The following CSPP1 variants were observed in gnomAD, a reference collection of about 807,000 sequenced individuals.
The protein encoded by CSPP1 is centrosome and spindle pole associated protein 1.
Under a neutral mutation model 164.4 loss-of-function variants are expected in CSPP1, and 126 were observed. The observed-to-expected ratio is 0.77, with a 90% CI of 0.66 to 0.89. CSPP1 has a LOEUF of 0.89. Among genes scored for constraint, CSPP1 ranks in the 40% least tolerant of loss-of-function variants. CSPP1 has a pLI of 0.00. For synonymous variants in CSPP1, 472 were observed against 476.7 expected, an observed-to-expected ratio of 0.99 and a Z score of 0.13; for missense variants, 1,395 against 1,449.8, an observed-to-expected ratio of 0.96 and a Z score of 0.61.
At chr8:67,094,620 G>A (rs919423612) in intron 6 of CSPP1, among the ~76,000 whole-genome samples, 1 of 151,974 alleles carries the variant, frequency 6.6e-6, no homozygotes, top group African/African-American at 2.4e-5. Context: ...AAAAATATAT[G>A]GGTGATTAAT....
chr8:67,158,063 GA>G (rs35789204), intron 19 of CSPP1, among the ~76,000 whole-genome samples: 10,737 of 152,234 alleles, frequency 0.071, 443 homozygotes, highest in Middle Eastern at 0.14. Flanking sequence ...AATCACTATA[GA>G]ATAATATAAT....
chr8:67,139,118 A>G (rs1230922732), intron 17 of CSPP1, among the ~76,000 whole-genome samples: 1 of 152,182 alleles, frequency 6.6e-6, no homozygotes, highest in Non-Finnish European at 1.5e-5. Context: ...CGGCATTACC[A>G]GAATCTACAA....
At chr8:67,129,026 T>G (rs893680676) in intron 15 of CSPP1, among the ~76,000 whole-genome samples, 2 of 152,156 alleles carry the variant, frequency 1.3e-5, no homozygotes, top group Non-Finnish European at 2.9e-5. Context: ...AGCCTATTGG[T>G]GTTAGATATA....
chr8:67,096,391 C>G (rs1046824329), intron 7 of CSPP1, among the ~76,000 whole-genome samples: 1 of 151,938 alleles, frequency 6.6e-6, no homozygotes, highest in Non-Finnish European at 1.5e-5. Flanking sequence ...AGGGTGAAAC[C>G]CTGTCTCTAC....
intron 12 of CSPP1, 98 bp from the exon 13 acceptor site, chr8:67,115,816 G>A (rs2129550816): frequency 1.3e-6 from 1 of 769,394 alleles, no homozygotes; most frequent in Non-Finnish European, 2.2e-6. Flanking sequence ...TTCTGTGACT[G>A]TCTTAAGTGC....
chr8:67,093,502 G>T, intron 5 of CSPP1, 41 bp from the exon 6 acceptor site: 4 of 1,298,170 alleles, frequency 3.1e-6, no homozygotes, highest in Admixed American at 1.8e-5. Context: ...TTTTTTTCCT[G>T]AAGTTGAATT....
chr8:67,183,913 C>T (rs1424326514), intron 28 of CSPP1, among the ~76,000 whole-genome samples: 7 of 128,972 alleles, frequency 5.4e-5, no homozygotes, highest in Non-Finnish European at 4.6e-5. Flanking sequence ...AGCGTGATGG[C>T]GTGATCTTGG....
chr8:67,159,822 T>C (rs973965997), intron 21 of CSPP1, among the ~76,000 whole-genome samples: 2 of 137,704 alleles, frequency 1.5e-5, no homozygotes, highest in Non-Finnish European at 3.1e-5. Context: ...ACGCCCGGCC[T>C]TCTCTCTCTT....
intron 14 of CSPP1, 31 bp downstream of exon 14, chr8:67,118,400 C>T (rs1360870883): frequency 3.1e-6 from 5 of 1,609,390 alleles, no homozygotes; most frequent in Non-Finnish European, 4.2e-6. Context: ...GCATTTTCTC[C>T]CCGCTTGGCT....
At chr8:67,185,863 A>G (rs1405083470) in intron 28 of CSPP1, among the ~76,000 whole-genome samples, 2 of 152,362 alleles carry the variant, frequency 1.3e-5, no homozygotes, top group East Asian at 1.9e-4. Context: ...ACTCAAAAGC[A>G]TCATCAACAC....
intron 19 of CSPP1, among the ~76,000 whole-genome samples, chr8:67,156,804 G>A (rs1231059454): frequency 1.3e-5 from 2 of 152,178 alleles, no homozygotes; most frequent in Non-Finnish European, 2.9e-5. Flanking sequence ...ACTTGTGAAT[G>A]TTTGACATTT....
chr8:67,102,955 A>C, intron 7 of CSPP1, 82 bp from the exon 8 acceptor site: 2 of 729,638 alleles, frequency 2.7e-6, no homozygotes, highest in Non-Finnish European at 4.7e-6. Context: ...AATGTTGCCA[A>C]CATCAAATGT....
intron 13 of CSPP1, among the ~76,000 whole-genome samples, chr8:67,117,386 T>C (rs1586241058): frequency 6.6e-6 from 1 of 152,192 alleles, no homozygotes; most frequent in East Asian, 1.9e-4. Flanking sequence ...CCTGTTAAGA[T>C]ACATACAACA....
chr8:67,130,562 A>G (rs2129553914), intron 15 of CSPP1, among the ~76,000 whole-genome samples: 1 of 152,362 alleles, frequency 6.6e-6, no homozygotes, highest in African/African-American at 2.4e-5. Flanking sequence ...CTCATAATCC[A>G]ATGTGACAGT....
intron 19 of CSPP1, 139 bp downstream of exon 19, chr8:67,154,275 A>G (rs1016218166): frequency 3.7e-6 from 2 of 544,576 alleles, no homozygotes; most frequent in Admixed American, 3.3e-5. Context: ...CAGATCAGAT[A>G]TCAGTAGTAC....
At chr8:67,189,272 C>T (rs1049123355) in intron 28 of CSPP1, among the ~76,000 whole-genome samples, 7 of 152,110 alleles carry the variant, frequency 4.6e-5, no homozygotes, top group African/African-American at 1.4e-4. Flanking sequence ...TTGGTATTTG[C>T]CTAAGGGAGC....
intron 12 of CSPP1, chr8:67,114,809 G>A (rs994607318): frequency 1.3e-5 from 2 of 152,182 alleles, no homozygotes; most frequent in East Asian, 3.8e-4. Context: ...TTACACTAGT[G>A]TGTGACAGAC....
Position 67,193,537 on chromosome 8 carries a change from T to G in CSPP1, c.3404T>G (p.Leu1135Arg), listed in dbSNP as rs546683385. The change falls in exon 30 of 31, where the codon CTT becomes CGT. Residue 1135 changes from leucine (L) to arginine (R), a missense_variant. Coordinates refer to ENST00000678616, the MANE Select transcript of CSPP1 (RefSeq NM_001382391.1). ...ATATCCAGTGTAAATGTTGATGAGC[T>G]TAGAGTGAGAAATGAGGAACGAATG... ...KSISSVNVDELRVRNEERMRR... is the reference protein window; with the variant it reads ...KSISSVNVDERRVRNEERMRR... 518 of 1,613,406 alleles carry G rather than the reference T, an allele frequency of 3.2e-4. 9 individuals carry two copies. In the South Asian group the frequency reaches 5.6e-3, roughly 18 times the overall value.
rs188323303 is a variant in CSPP1 at position 67,076,549 on chromosome 8, C to G, written c.167C>G (p.Pro56Arg). 6.2e-7 allele frequency: 1 copy of G among 1,600,054 alleles called. No homozygotes were observed. Among genetic ancestry groups the G allele is most frequent in the Admixed American group, 1.7e-5 (1 of 58,044 alleles). The change falls in exon 3 of 31, where the codon CCA (proline) becomes CGA (arginine). Residue 56 changes from proline (P) to arginine (R), a missense_variant. Physicochemically the swap from Pro to Arg is moderately radical, Grantham distance 103. Coordinates refer to ENST00000678616, the MANE Select transcript of CSPP1 (RefSeq NM_001382391.1). ...ATCTCTATGGCTAAGGAAAACATACCACCAAATAGTCAACAGACCAGGGGT... is the reference window on the plus strand; with the variant it reads ...ATCTCTATGGCTAAGGAAAACATACGACCAAATAGTCAACAGACCAGGGGT... ...ILISMAKENIPPNSQQTRGSL... is the reference protein window; with the variant it reads ...ILISMAKENIRPNSQQTRGSL...
Sources: gnomAD v4.1 joint callset for allele counts (sites outside exome capture counted in the v4.1 genomes callset) on GRCh38, gnomAD v4.1.1 for gene constraint, MANE v1.5 for transcripts, NCBI Gene and HGNC (gene_info 2026-07-23, HGNC 2026-07-21) for gene names.